STAT4: variants seen among roughly 807,000 people sequenced by gnomAD.
STAT4 encodes signal transducer and activator of transcription 4.
STAT4 carries 42 observed loss-of-function variants against 110.5 expected under a neutral mutation model. That is an observed-to-expected ratio of 0.38 (90% CI 0.30 to 0.49). The LOEUF is 0.49. STAT4 is among the 20% of genes least tolerant of loss of function. STAT4 has a pLI of 0.95. For missense variants in STAT4, 632 were observed against 887.9 expected (o/e 0.71, Z 3.66); for synonymous variants, 284 against 302.2 (o/e 0.94, Z 0.63).
In STAT4 at chr2:191,112,498, C is replaced by T. The variant is rs1405588490; in HGVS notation, c.273+34115G>A. ...CCACATATATGCAAATGGATGAATA[C>T]ATATGGGTATATGTATGCATATATA... On this transcript the variant is annotated intron_variant, in intron 3 of 23. Transcript: ENST00000392320. This position sits in a 1 kb window ranked among gnomAD's most constrained non-coding sequence, Gnocchi z 4.3. Among the ~76,000 whole-genome samples the T allele has an allele frequency of 2.6e-5, 4 of 152,128 alleles. No homozygotes were observed. Among genetic ancestry groups the T allele is most frequent in the African/African-American group, 9.7e-5 (4 of 41,434 alleles).
rs1166260461 is a variant in STAT4, at chr2:191,143,045, T to C, written c.273+3568A>G. Among the ~76,000 whole-genome samples the C allele has an allele frequency of 6.6e-6, 1 of 152,148 alleles. No individual in the cohort carries two copies. The highest frequency in any genetic ancestry group is 2.4e-5 in the African/African-American group (1 of 41,436). The stretch of plus-strand genomic sequence containing the variant: ...AAATGTATGCTACCAATGCAAGACA[T>C]GAATAATAGGTGAAACTGGGATGTG... On this transcript the variant is annotated intron_variant, in intron 3 of 23. Transcript: ENST00000392320. This position sits in a 1 kb window ranked among gnomAD's most constrained non-coding sequence, Gnocchi z 5.6.
Position 191,044,857 on chromosome 2 carries a change from T to C in STAT4, c.1252-3709A>G, listed in dbSNP as rs534067392. Among the ~76,000 whole-genome samples, 6 of 152,258 alleles carry C rather than the reference T, an allele frequency of 3.9e-5. No individual in the cohort carries two copies. The East Asian group carries it at 1.2e-3, about 29-fold the overall frequency. Reference sequence around the variant, plus strand: ...TTTGGGGCTTAATTAGTGACAAGTATGTAAATTAATCAAATAAAAAACTCA... The same window carrying C: ...TTTGGGGCTTAATTAGTGACAAGTACGTAAATTAATCAAATAAAAAACTCA... On this transcript the variant is annotated intron_variant, in intron 14 of 23. Transcript: ENST00000392320.
chr2:191,062,132 G>A lies in STAT4; in HGVS notation c.942-311C>T, dbSNP rs1696865700. Among the ~76,000 whole-genome samples, 2 of 152,108 alleles carry A rather than the reference G, an allele frequency of 1.3e-5. No homozygotes were observed. Among genetic ancestry groups the A allele is most frequent in the African/African-American group, 4.8e-5 (2 of 41,420 alleles). On this transcript the variant is annotated intron_variant, in intron 9 of 23. Coordinates refer to ENST00000392320, the MANE Select transcript of STAT4 (RefSeq NM_003151.4). This position sits in a 1 kb window ranked among gnomAD's most constrained non-coding sequence, Gnocchi z 4.9. ...TGCAGTGGCACGATCATAGCTCACT[G>A]CAGTCTCAACCTCCTGAGCTCAAGT...
In STAT4 at chr2:191,146,221, C is replaced by T. The variant is rs149700308; in HGVS notation, c.273+392G>A. ...AACCAAATCTGTAAGAATACATTCA[C>T]TCATGATGCTCTCATTTAGGAATGA... On this transcript the variant is annotated intron_variant, in intron 3 of 23. Transcript: ENST00000392320. The surrounding 1 kb of genome is among the most constrained non-coding windows in gnomAD (Gnocchi z 4.5). Among the ~76,000 whole-genome samples the T allele has an allele frequency of 6.6e-4, 101 of 152,234 alleles. No individual in the cohort carries two copies. Among genetic ancestry groups the T allele is most frequent in the African/African-American group, 2.3e-3 (96 of 41,552 alleles).
At chr2:191,085,508 A>G (rs1158911836) in intron 3 of STAT4, among the ~76,000 whole-genome samples, 1 of 151,998 alleles carries the variant, frequency 6.6e-6, no homozygotes, top group Non-Finnish European at 1.5e-5. Flanking sequence ...TGATATGTCT[A>G]TGTTATCAGT....
Position 191,043,346 on chromosome 2 carries a change from TA to T in STAT4, c.1252-2199del, listed in dbSNP as rs1297828169. Among the ~76,000 whole-genome samples the T allele has an allele frequency of 6.6e-6, 1 of 151,482 alleles. No individual in the cohort carries two copies. The highest frequency in any genetic ancestry group is 1.5e-5 in the Non-Finnish European group (1 of 67,832). ...AAAATAGAATAGAAAAGATAGCAAATAAAGAATTAATATATGAACTGCAGCA... is the reference window on the plus strand; with the variant it reads ...AAAATAGAATAGAAAAGATAGCAAATAAGAATTAATATATGAACTGCAGCA... On this transcript the variant is annotated intron_variant, in intron 14 of 23. Transcript: ENST00000392320. This position sits in a 1 kb window ranked among gnomAD's most constrained non-coding sequence, Gnocchi z 4.8.
At chr2:191,056,858 C>T (rs1696711873) in intron 13 of STAT4, among the ~76,000 whole-genome samples, 1 of 146,232 alleles carries the variant, frequency 6.8e-6, no homozygotes, top group Non-Finnish European at 1.5e-5. Flanking sequence ...TCTCAGCTCA[C>T]TGCAAACTCC....
chr2:191,077,787 C>T lies in STAT4; in HGVS notation c.274-1462G>A, dbSNP rs536770872. Among the ~76,000 whole-genome samples the T allele has an allele frequency of 3.7e-4, 57 of 152,112 alleles. No individual in the cohort carries two copies. Among genetic ancestry groups the T allele is most frequent in the African/African-American group, 1.3e-3 (55 of 41,522 alleles). ...GAGTAAACACCAACTATCTGAATTC[C>T]TGCTCTTACATATTTTACAGTCTTC... On this transcript the variant is annotated intron_variant, in intron 3 of 23. Coordinates refer to ENST00000392320, the MANE Select transcript of STAT4 (RefSeq NM_003151.4). The surrounding 1 kb of genome is among the most constrained non-coding windows in gnomAD (Gnocchi z 4.1).
rs1392906896 is a variant in STAT4 at position 191,062,254 on chromosome 2, T to C, written c.942-433A>G. Among the ~76,000 whole-genome samples the C allele has an allele frequency of 6.6e-6, 1 of 151,980 alleles. No homozygotes were observed. Among genetic ancestry groups the C allele is most frequent in the Non-Finnish European group, 1.5e-5 (1 of 67,980 alleles). On this transcript the variant is annotated intron_variant, in intron 9 of 23. Transcript: ENST00000392320. This position sits in a 1 kb window ranked among gnomAD's most constrained non-coding sequence, Gnocchi z 4.9. ...ATTTTTCTGTAGAGATGGGGGTCTT[T>C]TTATGCTGTCCAGGCTGTTCTACAA...
chr2:191,119,536 A>T (rs1698662524), intron 3 of STAT4, among the ~76,000 whole-genome samples: 1 of 152,214 alleles, frequency 6.6e-6, no homozygotes, highest in Non-Finnish European at 1.5e-5. Context: ...AGACCTGAAT[A>T]AATGAAAAGA....
chr2:191,061,580 G>A lies in STAT4; in HGVS notation c.1034+149C>T. The A allele has an allele frequency of 1.3e-6, 1 of 761,312 alleles. No individual in the cohort carries two copies. The highest frequency in any genetic ancestry group is 2.3e-6 in the Non-Finnish European group (1 of 438,686). The allele number at this position is 761,312 out of a possible 1,614,324, so 47.2% of individuals were successfully genotyped here. ...GGGCTCTCATCTTCACATTTCTGTG[G>A]GTATTTCCCCAAGCTCAGAGCTGGG... On this transcript the variant is annotated intron_variant, in intron 10 of 23. Transcript: ENST00000392320. The surrounding 1 kb of genome is among the most constrained non-coding windows in gnomAD (Gnocchi z 6.2).
chr2:191,034,025 C>T lies in STAT4; in HGVS notation c.1621-20G>A. On this transcript the variant is annotated intron_variant, in intron 18 of 23. Transcript: ENST00000392320. ...ATGTTCCTACAGGAATAGACAAGCA[C>T]ATTAAGACAATGATTATTTAAGTAA... 1 of 1,471,720 alleles carries T rather than the reference C, an allele frequency of 6.8e-7. No individual in the cohort carries two copies. The highest frequency in any genetic ancestry group is 9.3e-7 in the Non-Finnish European group (1 of 1,071,036). The allele number at this position is 1,471,720 out of a possible 1,614,324, so 91.2% of individuals were successfully genotyped here.
Position 191,035,152 on chromosome 2 carries a change from G to A in STAT4, c.1571-555C>T, listed in dbSNP as rs188904526. On this transcript the variant is annotated intron_variant, in intron 17 of 23. Coordinates refer to ENST00000392320, the MANE Select transcript of STAT4 (RefSeq NM_003151.4). The surrounding 1 kb of genome is among the most constrained non-coding windows in gnomAD (Gnocchi z 4.7). ...CAAGAGTTTCCATCTAAATTTTTAA[G>A]GACATTATACTCATAAGAATAATTT... Among the ~76,000 whole-genome samples the A allele has an allele frequency of 1.8e-4, 27 of 152,282 alleles. No individual in the cohort carries two copies. Among genetic ancestry groups the A allele is most frequent in the Admixed American group, 1.7e-3 (26 of 15,296 alleles).
At chr2:191,121,832 A>T (rs1416072879) in intron 3 of STAT4, 1 of 151,714 alleles carries the variant, frequency 6.6e-6, no homozygotes, top group East Asian at 1.9e-4. Context: ...AATGTAAATG[A>T]CGAGTTAACG....
chr2:191,094,645 T>A (rs1697909016), intron 3 of STAT4, among the ~76,000 whole-genome samples: 1 of 152,010 alleles, frequency 6.6e-6, no homozygotes, highest in Non-Finnish European at 1.5e-5. Flanking sequence ...CATGCCAAAT[T>A]GTGAAGACCA....
chr2:191,048,651 T>C (rs1392574350), intron 14 of STAT4, among the ~76,000 whole-genome samples: 1 of 150,990 alleles, frequency 6.6e-6, no homozygotes, highest in East Asian at 1.9e-4. Flanking sequence ...CTGGGCATGG[T>C]GGCGGGCGCT....
At chr2:191,055,365 ATTTTTTTTTTTTT>A (rs371295889) in intron 13 of STAT4, among the ~76,000 whole-genome samples, 3 of 96,956 alleles carry the variant, frequency 3.1e-5, no homozygotes, top group South Asian at 3.6e-4. Context: ...AGCCTGGCTA[ATTTTTTTTTTTTT>A]TTTTTTTTTT....
chr2:191,149,298 T>C (rs904334483), intron 1 of STAT4, among the ~76,000 whole-genome samples: 7 of 152,210 alleles, frequency 4.6e-5, no homozygotes, highest in African/African-American at 1.2e-4. Context: ...GGGTTTTAAG[T>C]AGAATCATTT....
chr2:191,119,296 T>C (rs111849061), intron 3 of STAT4, among the ~76,000 whole-genome samples: 4 of 152,308 alleles, frequency 2.6e-5, no homozygotes, highest in East Asian at 1.9e-4. Context: ...TCTTGCTGGT[T>C]GATCAGAATA....
Sources: gnomAD v4.1 joint callset for allele counts (sites outside exome capture counted in the v4.1 genomes callset) on GRCh38, gnomAD v4.1.1 for gene constraint, Gnocchi (gnomAD v3.1) non-coding constraint, MANE v1.5 for transcripts, NCBI Gene and HGNC (gene_info 2026-07-23, HGNC 2026-07-21) for gene names.